Variants in GALNT17 observed in about 807,000 individuals in gnomAD.
GALNT17 encodes the protein polypeptide N-acetylgalactosaminyltransferase 17.
GALNT17 carries 29 observed loss-of-function variants against 63.7 expected under a neutral mutation model. That is an observed-to-expected ratio of 0.46 (90% CI 0.34 to 0.62). The LOEUF (loss-of-function observed/expected upper bound fraction) is 0.62. Among genes scored for constraint, GALNT17 ranks in the 20% least tolerant of loss-of-function variants. GALNT17 has a pLI of 0.01. For synonymous variants in GALNT17, 305 were observed against 318.3 expected (o/e 0.96, Z 0.45); for missense variants, 603 against 799.6 (o/e 0.75, Z 2.97).
intron 5 of GALNT17, among the ~76,000 whole-genome samples, chr7:71,526,538 G>T (rs1208778215): frequency 6.6e-6 from 1 of 150,470 alleles, no homozygotes; most frequent in African/African-American, 2.4e-5. Flanking sequence ...ATTTATTTTG[G>T]AGACAGAGTC....
At chr7:71,181,460 A>G (rs1391374292) in intron 1 of GALNT17, among the ~76,000 whole-genome samples, 1 of 152,130 alleles carries the variant, frequency 6.6e-6, no homozygotes, top group Non-Finnish European at 1.5e-5. Flanking sequence ...TGATCCTGAT[A>G]CATAGTAGTT....
chr7:71,524,737 T>A (rs1051324161), intron 5 of GALNT17, among the ~76,000 whole-genome samples: 6 of 152,232 alleles, frequency 3.9e-5, no homozygotes, highest in Non-Finnish European at 7.3e-5. Context: ...CTTCCTGAAA[T>A]TAACATGGCC....
rs181656469 is a variant in GALNT17, at chr7:71,531,435, A to G, written c.963-39850A>G. ...GTGGCTAGTGGCTACCATATTGGATAGTGCAGAGCTAGATGATAATTCAGC... is the reference window on the plus strand; with the variant it reads ...GTGGCTAGTGGCTACCATATTGGATGGTGCAGAGCTAGATGATAATTCAGC... On this transcript the variant is annotated intron_variant, in intron 5 of 10. Transcript: ENST00000333538. Among the ~76,000 whole-genome samples, 19 of 152,276 alleles carry G rather than the reference A, an allele frequency of 1.2e-4. No homozygotes were observed. In the East Asian group the frequency reaches 3.5e-3, roughly 28 times the overall value.
intron 9 of GALNT17, among the ~76,000 whole-genome samples, chr7:71,695,464 G>A: frequency 6.6e-6 from 1 of 152,180 alleles, no homozygotes; most frequent in Admixed American, 6.5e-5. Context: ...CCTCTCTGCA[G>A]GAACCATCTG....
chr7:71,600,459 C>T (rs1789950152), intron 6 of GALNT17, among the ~76,000 whole-genome samples: 1 of 152,084 alleles, frequency 6.6e-6, no homozygotes, highest in East Asian at 1.9e-4. Context: ...GTCATAATGA[C>T]ACCTAACTGT....
chr7:71,357,412 C>A (rs558589230), intron 2 of GALNT17, among the ~76,000 whole-genome samples: 1 of 152,258 alleles, frequency 6.6e-6, no homozygotes, highest in African/African-American at 2.4e-5. Flanking sequence ...TGAAACCATT[C>A]CCCATCCCCC....
At chr7:71,665,352 GA>G in intron 6 of GALNT17, 58 bp from the exon 7 acceptor site, 1 of 1,528,104 alleles carries the variant, frequency 6.5e-7, no homozygotes, top group Admixed American at 2.2e-5. Flanking sequence ...TGGGCTTGGG[GA>G]GGGGGCATAG....
At chr7:71,300,674 TC>T (rs1791179629) in intron 1 of GALNT17, 1 of 250,400 alleles carries the variant, frequency 4.0e-6, no homozygotes, top group African/African-American at 2.3e-5. Flanking sequence ...AAATTGCGCA[TC>T]ATATTTCTAA....
chr7:71,361,512 T>C (rs930205754), intron 2 of GALNT17, among the ~76,000 whole-genome samples: 1 of 152,160 alleles, frequency 6.6e-6, no homozygotes, highest in Non-Finnish European at 1.5e-5. Flanking sequence ...ACCTATTGTA[T>C]ATTTACTATA....
intron 1 of GALNT17, among the ~76,000 whole-genome samples, chr7:71,185,140 C>T (rs555293547): frequency 4.7e-4 from 70 of 148,226 alleles, no homozygotes; most frequent in Admixed American, 9.4e-4. Context: ...CTCTCCTCCC[C>T]TCCCGTCCCC....
chr7:71,687,033 C>G (rs986361736), intron 9 of GALNT17, among the ~76,000 whole-genome samples: 1 of 152,092 alleles, frequency 6.6e-6, no homozygotes, highest in African/African-American at 2.4e-5. Flanking sequence ...TTCCCAGGAC[C>G]TTTCTGATTC....
Position 71,158,607 on chromosome 7 carries a change from C to T in GALNT17, c.238+25567C>T, listed in dbSNP as rs567921219. On this transcript the variant is annotated intron_variant, in intron 1 of 10. Transcript: ENST00000333538. ...TATTTTTTTGTTTGAGATGGAATCTCGCTCTGTTGCCCAGGCTGGAGTGCA... is the reference window on the plus strand; with the variant it reads ...TATTTTTTTGTTTGAGATGGAATCTTGCTCTGTTGCCCAGGCTGGAGTGCA... 1.6e-4 allele frequency among the ~76,000 whole-genome samples: 24 copies of T among 151,392 alleles called. 1 individual carries two copies. In the East Asian group the frequency reaches 1.8e-3, roughly 11 times the overall value.
At chr7:71,178,931 AT>A (rs1562889497) in intron 1 of GALNT17, among the ~76,000 whole-genome samples, 2 of 151,760 alleles carry the variant, frequency 1.3e-5, no homozygotes, top group African/African-American at 4.8e-5. Context: ...CTGTCTAGTG[AT>A]TTTTGATCAA....
chr7:71,332,291 G>T (rs1791820146), intron 1 of GALNT17, among the ~76,000 whole-genome samples: 1 of 150,852 alleles, frequency 6.6e-6, no homozygotes, highest in Non-Finnish European at 1.5e-5. Flanking sequence ...CCTTGGATTT[G>T]GGGAAAAAAA....
intron 5 of GALNT17, among the ~76,000 whole-genome samples, chr7:71,465,452 A>G (rs973767388): frequency 1.3e-5 from 2 of 152,214 alleles, no homozygotes; most frequent in Non-Finnish European, 2.9e-5. Context: ...GAAAAGCTTT[A>G]TGATAACTTT....
intron 1 of GALNT17, among the ~76,000 whole-genome samples, chr7:71,171,079 G>T (rs769831380): frequency 6.6e-5 from 10 of 152,116 alleles, no homozygotes; most frequent in Non-Finnish European, 1.2e-4. Flanking sequence ...AAAAGAAGCC[G>T]TATATCTCTG....
At chr7:71,595,847 A>G (rs1789877640) in intron 6 of GALNT17, among the ~76,000 whole-genome samples, 1 of 152,118 alleles carries the variant, frequency 6.6e-6, no homozygotes, top group Non-Finnish European at 1.5e-5. Flanking sequence ...ACGCAGGAAG[A>G]TTGTGGGGGA....
intron 6 of GALNT17, among the ~76,000 whole-genome samples, chr7:71,644,964 C>G: frequency 6.6e-6 from 1 of 152,104 alleles, no homozygotes. Flanking sequence ...ACTGTGGCTC[C>G]TCCATCATCA....
chr7:71,507,344 G>A (rs1169707864), intron 5 of GALNT17, among the ~76,000 whole-genome samples: 1 of 152,176 alleles, frequency 6.6e-6, no homozygotes, highest in African/African-American at 2.4e-5. Flanking sequence ...ATACAGTTTT[G>A]AGCCTGAAGT....
Sources: gnomAD v4.1 joint callset for allele counts (sites outside exome capture counted in the v4.1 genomes callset) on GRCh38, gnomAD v4.1.1 for gene constraint, MANE v1.5 for transcripts, NCBI Gene and HGNC (gene_info 2026-07-23, HGNC 2026-07-21) for gene names.